Variants in VPS16 observed in about 807,000 individuals in gnomAD.
The protein encoded by VPS16 is vacuolar protein sorting-associated protein 16 homolog.
A neutral mutation model predicts 116.0 loss-of-function variants in VPS16; 82 were observed. The ratio of observed to expected loss-of-function variants is 0.71; its 90% CI spans 0.59 to 0.85. The LOEUF is 0.85. Ranked by LOEUF, VPS16 falls within the 40% of genes least tolerant of loss-of-function variation. The pLI is 0.00. For synonymous variants in VPS16, 406 were observed against 420.7 expected, an observed-to-expected ratio of 0.96 and a Z score of 0.43; for missense variants, 928 against 1,090.6, an observed-to-expected ratio of 0.85 and a Z score of 2.10.
chr20:2,856,194 A>AAGAG (rs150683763), intron 1 of VPS16, among the ~76,000 whole-genome samples: 3 of 150,074 alleles, frequency 2.0e-5, no homozygotes, highest in Admixed American at 6.7e-5. Context: ...GGAAGGCCTG[A>AAGAG]AGAGAGAGAG....
intron 1 of VPS16, among the ~76,000 whole-genome samples, chr20:2,849,300 C>CTTTTT (rs11473184): frequency 7.5e-6 from 1 of 133,726 alleles, no homozygotes; most frequent in African/African-American, 2.8e-5. Flanking sequence ...GAATAAGATT[C>CTTTTT]TTTTTTTTTT....
At chr20:2,856,115 C>G (rs2089169291) in intron 1 of VPS16, among the ~76,000 whole-genome samples, 1 of 152,196 alleles carries the variant, frequency 6.6e-6, no homozygotes, top group Non-Finnish European at 1.5e-5. Flanking sequence ...ATTTGCCACT[C>G]TTCTTTCACT....
rs748048348 is a variant in VPS16, at chr20:2,860,009, G to T, written c.143-45G>T. On this transcript the variant is annotated intron_variant, in intron 2 of 23. Transcript: ENST00000380445. The surrounding 1 kb of genome is among the most constrained non-coding windows in gnomAD (Gnocchi z 6.1). The stretch of plus-strand genomic sequence containing the variant: ...GGATGTGAGGCCTGCTTCACATGGG[G>T]TGGGCCTAGGGAGCTAGGACAGAAG... 1.2e-6 allele frequency: 2 copies of T among 1,607,632 alleles called. No individual in the cohort carries two copies. Among genetic ancestry groups the T allele is most frequent in the Non-Finnish European group, 1.7e-6 (2 of 1,174,978 alleles).
chr20:2,842,674 A>ATATATATATAGATACATCTAGATGTATC (rs1463090846), intron 1 of VPS16, among the ~76,000 whole-genome samples: 17 of 139,092 alleles, frequency 1.2e-4, no homozygotes, highest in South Asian at 6.7e-4. Context: ...AGATGTATCT[A>ATATATATATAGATACATCTAGATGTATC]TATATATATA....
chr20:2,854,603 G>A (rs2089153909), intron 1 of VPS16, among the ~76,000 whole-genome samples: 1 of 151,790 alleles, frequency 6.6e-6, no homozygotes, highest in South Asian at 2.1e-4. Context: ...AGACCAGCCT[G>A]GCCAACACGG....
chr20:2,848,378 G>T (rs2089083031), intron 1 of VPS16, among the ~76,000 whole-genome samples: 1 of 152,090 alleles, frequency 6.6e-6, no homozygotes, highest in Admixed American at 6.6e-5. Context: ...CAAAGTGCTG[G>T]GATTACAAGT....
chr20:2,845,379 G>A (rs925094858), intron 1 of VPS16, among the ~76,000 whole-genome samples: 7 of 152,080 alleles, frequency 4.6e-5, no homozygotes, highest in Admixed American at 1.3e-4. Flanking sequence ...TGAGTTTCAG[G>A]TACTAAGAAG....
In VPS16 at chr20:2,864,781, C is replaced by A; in HGVS notation, c.1926+127C>A. 2 of 1,195,184 alleles carry A rather than the reference C, an allele frequency of 1.7e-6. No homozygotes were observed. Among genetic ancestry groups the A allele is most frequent in the Non-Finnish European group, 1.2e-6 (1 of 831,510 alleles). 74.0% of individuals were successfully genotyped at this position (1,195,184 alleles called of 1,614,324 possible). On this transcript the variant is annotated intron_variant, in intron 19 of 23. Coordinates refer to ENST00000380445, the MANE Select transcript of VPS16 (RefSeq NM_022575.4). The surrounding 1 kb of genome is among the most constrained non-coding windows in gnomAD (Gnocchi z 5.2). ...CATCTGGTCCTCACTGTGAGGGAGACTCTGACGTGAGGCCAGGATGGGGGT... is the reference window on the plus strand; with the variant it reads ...CATCTGGTCCTCACTGTGAGGGAGAATCTGACGTGAGGCCAGGATGGGGGT...
intron 1 of VPS16, among the ~76,000 whole-genome samples, chr20:2,843,484 A>G (rs1276247173): frequency 5.3e-5 from 8 of 152,148 alleles, no homozygotes. Flanking sequence ...AAAAAATTGC[A>G]AAAACTTCAT....
At chr20:2,862,271 G>A in intron 11 of VPS16, 141 bp downstream of exon 11, 1 of 1,100,196 alleles carries the variant, frequency 9.1e-7, no homozygotes, top group Non-Finnish European at 1.3e-6. Context: ...GCTGGCTCAT[G>A]TAAACTGAAG....
At chr20:2,856,865 T>C (rs1337858388) in intron 1 of VPS16, among the ~76,000 whole-genome samples, 4 of 152,242 alleles carry the variant, frequency 2.6e-5, no homozygotes, top group Admixed American at 2.6e-4. Flanking sequence ...ATATAGTGTG[T>C]GTATCTGGTA....
At position 2,862,096 on chromosome 20, in the gene VPS16, G is replaced by A. The variant is rs567143501; in HGVS notation, c.1037G>A (p.Gly346Glu). Residue 346 changes from glycine (G) to glutamate (E), a missense_variant, in exon 11 of 24, where the codon GGG becomes GAG. By Grantham distance (98) the Gly-to-Glu change is moderately conservative. Coordinates refer to ENST00000380445, the MANE Select transcript of VPS16 (RefSeq NM_022575.4). ...TTCAAAATTGCCTCAATGGCCCCCGGGGCGCTGCTCCTGGAGGCTCAGAAG... is the reference window on the plus strand; with the variant it reads ...TTCAAAATTGCCTCAATGGCCCCCGAGGCGCTGCTCCTGGAGGCTCAGAAG... ...EIFKIASMAP[G>E]ALLLEAQKEY... 4.3e-6 allele frequency: 7 copies of A among 1,613,848 alleles called. No individual in the cohort carries two copies. The South Asian group carries it at 7.7e-5, about 18-fold the overall frequency.
In VPS16 at chr20:2,864,260, G is replaced by A; in HGVS notation, c.1693G>A (p.Ala565Thr). The A allele has an allele frequency of 6.2e-7, 1 of 1,614,230 alleles. No homozygotes were observed. Among genetic ancestry groups the A allele is most frequent in the South Asian group, 1.1e-5 (1 of 91,088 alleles). Reference protein sequence around the residue: ...MKRSKLALSKAIESGDTDLVF... With the variant: ...MKRSKLALSKTIESGDTDLVF... ...GAGGAGCAAACTGGCACTAAGCAAG[G>A]CCATCGAGAGCGGGGACACTGACCT... is the stretch of plus-strand genomic sequence containing the variant. Residue 565 changes from alanine (A) to threonine (T), a missense_variant, in exon 17 of 24, where the codon GCC (alanine) becomes ACC (threonine). By Grantham distance (58) the Ala-to-Thr change is moderately conservative. Transcript: ENST00000380445. This position sits in a 1 kb window ranked among gnomAD's most constrained non-coding sequence, Gnocchi z 5.2.
chr20:2,860,605 C>A lies in VPS16; in HGVS notation c.514+12C>A. ...GCCAGAGGTGCCAGGTAAGCCCTGACACCGCTGAGATAGCCAAGCAGTACC... is the reference window on the plus strand; with the variant it reads ...GCCAGAGGTGCCAGGTAAGCCCTGAAACCGCTGAGATAGCCAAGCAGTACC... On this transcript the variant is annotated intron_variant, in intron 5 of 23. Coordinates refer to ENST00000380445, the MANE Select transcript of VPS16 (RefSeq NM_022575.4). This position sits in a 1 kb window ranked among gnomAD's most constrained non-coding sequence, Gnocchi z 6.1. 3 of 1,613,388 alleles carry A rather than the reference C, an allele frequency of 1.9e-6. No homozygotes were observed. The highest frequency in any genetic ancestry group is 2.2e-5 in the South Asian group (2 of 91,084).
chr20:2,842,531 T>A (rs1450984230), intron 1 of VPS16, among the ~76,000 whole-genome samples: 1 of 151,512 alleles, frequency 6.6e-6, no homozygotes, highest in Non-Finnish European at 1.5e-5. Context: ...CGCTTGAACC[T>A]GGGAGGCGGA....
Position 2,856,085 on chromosome 20 carries a change from C to G in VPS16, c.54-3634C>G, listed in dbSNP as rs185093611. On this transcript the variant is annotated intron_variant, in intron 1 of 23. Coordinates refer to ENST00000380445, the MANE Select transcript of VPS16 (RefSeq NM_022575.4). ...CCTCACTAAGGTTAGTCGTTTCTAG[C>G]TTTTGATTTAAAGTGAGAGATTTGC... Among the ~76,000 whole-genome samples, 615 of 152,254 alleles carry G rather than the reference C, an allele frequency of 4.0e-3. 6 individuals carry two copies. The highest frequency in any genetic ancestry group is 3.6e-3 in the Non-Finnish European group (244 of 68,026).
At chr20:2,845,755 C>CA (rs1263509223) in intron 1 of VPS16, among the ~76,000 whole-genome samples, 1 of 152,100 alleles carries the variant, frequency 6.6e-6, no homozygotes, top group African/African-American at 2.4e-5. Context: ...TCTGTACCCT[C>CA]AAACAACTCC....
rs1231159705 is a variant in VPS16 at position 2,842,672 on chromosome 20, C to CTA, written c.53+1856_53+1857dup. Among the ~76,000 whole-genome samples the CTA allele has an allele frequency of 3.6e-5, 5 of 139,372 alleles. No individual in the cohort carries two copies. The South Asian group carries it at 6.7e-4, about 19-fold the overall frequency. The allele number at this position is 139,372 out of a possible 152,430, so 91.4% of individuals were successfully genotyped here. A position where few individuals can be genotyped will look rare whatever the true frequency, so the allele number is the denominator to read the frequency against. On this transcript the variant is annotated intron_variant, in intron 1 of 23. Transcript: ENST00000380445. The stretch of plus-strand genomic sequence containing the variant: ...GATATAGATAGATATATAGATGTAT[C>CTA]TATATATATATAGATACATCTAGAT...
At chr20:2,852,859 G>A (rs1406235773) in intron 1 of VPS16, among the ~76,000 whole-genome samples, 2 of 152,160 alleles carry the variant, frequency 1.3e-5, no homozygotes, top group Non-Finnish European at 2.9e-5. Context: ...AGGTTAGGGT[G>A]GCTATCATAA....
Sources: allele counts gnomAD v4.1 joint callset (sites outside exome capture counted in the v4.1 genomes callset), GRCh38; gene constraint gnomAD v4.1.1; non-coding constraint Gnocchi (gnomAD v3.1); transcripts MANE v1.5; gene names NCBI Gene and HGNC (gene_info 2026-07-23, HGNC 2026-07-21).